Variants in SRFBP1 observed in about 807,000 individuals in gnomAD.
SRFBP1 encodes the protein serum response factor-binding protein 1.
In SRFBP1, 47 loss-of-function variants were observed where a neutral mutation model predicts 45.5. The ratio of observed to expected loss-of-function variants is 1.03; its 90% CI spans 0.82 to 1.32. SRFBP1 has a LOEUF of 1.32. Ranked by LOEUF, SRFBP1 falls within the 40% of genes most tolerant of loss-of-function variation. SRFBP1 has a pLI of 0.00. For missense variants in SRFBP1, 621 were observed against 484.6 expected (o/e 1.28, Z -2.64); for synonymous variants, 203 against 166.3 (o/e 1.22, Z -1.70).
At chr5:121,987,270 C>G (rs1295953903) in intron 3 of SRFBP1, among the ~76,000 whole-genome samples, 1 of 152,064 alleles carries the variant, frequency 6.6e-6, no homozygotes, top group East Asian at 1.9e-4. Flanking sequence ...TATCACATGT[C>G]TCTGAGCTGT....
chr5:122,018,194 C>T (rs1191209023), intron 4 of SRFBP1, among the ~76,000 whole-genome samples: 2 of 152,168 alleles, frequency 1.3e-5, no homozygotes, highest in South Asian at 2.1e-4. Context: ...TAAAGAAGAA[C>T]AGATATGGAA....
chr5:122,049,034 GTC>G (rs1234290502), intron 2 of SRFBP1, among the ~76,000 whole-genome samples: 3 of 151,754 alleles, frequency 2.0e-5, no homozygotes, highest in Admixed American at 6.6e-5. Flanking sequence ...GTTTTTTTGT[GTC>G]TCTGTTTCCT....
At chr5:122,009,565 A>C (rs569016773) in intron 4 of SRFBP1, among the ~76,000 whole-genome samples, 16 of 152,240 alleles carry the variant, frequency 1.1e-4, no homozygotes, top group Non-Finnish European at 2.2e-4. Context: ...GAAGTATTCC[A>C]TTCTTCAGAT....
chr5:122,072,005 T>C (rs1175622514), intron 2 of SRFBP1, among the ~76,000 whole-genome samples: 1 of 152,214 alleles, frequency 6.6e-6, no homozygotes. Context: ...TGTTGAGTAG[T>C]AAATATAAAA....
intron 2 of SRFBP1, among the ~76,000 whole-genome samples, chr5:122,052,688 C>T (rs976424996): frequency 4.6e-5 from 7 of 152,060 alleles, no homozygotes; most frequent in Non-Finnish European, 1.0e-4. Flanking sequence ...GATTGAGTTT[C>T]GACATTCTCC....
At position 121,974,237 on chromosome 5, in the gene SRFBP1, A is replaced by G. The variant is rs1752256440; in HGVS notation, c.78A>G (p.Leu26=). ...MRKEVKRIRV[L]VIRKLVRSVG... is the part of the protein sequence containing the mutation. ...AAGAAGTGAAGAGAATTCGAGTTTT[A>G]GTTATCCGAAAACTTGTCAGGAGTG... Residue 26 remains leucine (L), a synonymous_variant, in exon 2 of 8, where the codon TTA becomes TTG. Transcript: ENST00000339397. 4 of 1,611,596 alleles carry G rather than the reference A, an allele frequency of 2.5e-6. No homozygotes were observed. Among genetic ancestry groups the G allele is most frequent in the Non-Finnish European group, 3.4e-6 (4 of 1,178,194 alleles).
chr5:122,019,896 G>A (rs900079992), intron 5 of SRFBP1, among the ~76,000 whole-genome samples, 192 bp from the exon 6 acceptor site: 20 of 152,066 alleles, frequency 1.3e-4, no homozygotes, highest in African/African-American at 4.1e-4. Context: ...GAATACGTCT[G>A]AGCATATCTT....
chr5:122,071,566 CT>C (rs1222278479), intron 2 of SRFBP1, among the ~76,000 whole-genome samples: 4 of 152,122 alleles, frequency 2.6e-5, no homozygotes, highest in Non-Finnish European at 5.9e-5. Context: ...AAATACAATC[CT>C]TGCTTTTAAG....
intron 2 of SRFBP1, chr5:122,065,801 G>C (rs1016839481): frequency 3.3e-5 from 5 of 151,998 alleles, no homozygotes; most frequent in African/African-American, 1.2e-4. Flanking sequence ...GGGGGGACTT[G>C]TTTGTGTGAT....
intron 2 of SRFBP1, among the ~76,000 whole-genome samples, chr5:122,061,595 A>G (rs1216739749): frequency 6.6e-6 from 1 of 151,858 alleles, no homozygotes; most frequent in Non-Finnish European, 1.5e-5. Context: ...TATGCATAAC[A>G]TAATTTTAAG....
At chr5:122,059,579 A>G (rs1013412675) in intron 2 of SRFBP1, among the ~76,000 whole-genome samples, 1 of 152,166 alleles carries the variant, frequency 6.6e-6, no homozygotes, top group Middle Eastern at 3.4e-3. Context: ...AAGAGATAAT[A>G]TTGGGAGAGG....
intron 2 of SRFBP1, among the ~76,000 whole-genome samples, chr5:122,050,158 G>A (rs1008376685): frequency 2.0e-5 from 3 of 152,108 alleles, no homozygotes; most frequent in African/African-American, 7.2e-5. Context: ...GTATTTTCTT[G>A]AGGATTTTTC....
intron 1 of SRFBP1, among the ~76,000 whole-genome samples, chr5:121,966,946 A>ATTTTTTTTTTTTTTTTTTTTTT (rs34687337): frequency 8.7e-6 from 1 of 114,686 alleles, no homozygotes; most frequent in Non-Finnish European, 1.7e-5. Context: ...CGCCCAGCTA[A>ATTTTTTTTTTTTTTTTTTTTTT]TTTTTTTTTT....
intron 2 of SRFBP1, among the ~76,000 whole-genome samples, chr5:122,044,498 C>T (rs188145323): frequency 1.4e-4 from 22 of 152,134 alleles, no homozygotes; most frequent in Non-Finnish European, 2.9e-4. Context: ...TTCTCCACAA[C>T]CTTGCCAGCA....
Position 122,070,046 on chromosome 5 carries a change from CACTT to C in SRFBP1, n.312-5266_312-5263del, listed in dbSNP as rs1356751545. ...AACAATTACTTAGCTAAGCAAATAA[CACTT>C]ACGGTGAAATTGTGCAGCCTGAGGC... On this transcript the variant is annotated intron_variant and non_coding_transcript_variant, in intron 2 of 2. Coordinates refer to the SRFBP1 transcript ENST00000504881. 1.3e-6 allele frequency: 2 copies of C among 1,586,206 alleles called. No individual in the cohort carries two copies. Among genetic ancestry groups the C allele is most frequent in the Admixed American group, 1.7e-5 (1 of 59,836 alleles).
At chr5:122,069,458 T>G (rs1754390965) in intron 2 of SRFBP1, among the ~76,000 whole-genome samples, 1 of 152,136 alleles carries the variant, frequency 6.6e-6, no homozygotes, top group Non-Finnish European at 1.5e-5. Flanking sequence ...CACCTCCCTG[T>G]GAATAGATAT....
intron 2 of SRFBP1, among the ~76,000 whole-genome samples, chr5:122,046,763 A>G (rs553439926): frequency 2.0e-5 from 3 of 152,278 alleles, no homozygotes; most frequent in African/African-American, 7.2e-5. Flanking sequence ...ATGGTATCTC[A>G]TTGTGGTTTG....
At chr5:121,978,489 G>C (rs1752347595) in intron 3 of SRFBP1, among the ~76,000 whole-genome samples, 1 of 151,970 alleles carries the variant, frequency 6.6e-6, no homozygotes, top group Admixed American at 6.6e-5. Context: ...GCCTATATCT[G>C]TATTTCTTTT....
chr5:122,036,690 C>T (rs1249248349), intron 2 of SRFBP1, among the ~76,000 whole-genome samples: 2 of 152,144 alleles, frequency 1.3e-5, no homozygotes, highest in Non-Finnish European at 1.5e-5. Flanking sequence ...TGGTTGACAA[C>T]ATTAGTACAT....
Sources: allele counts gnomAD v4.1 joint callset (sites outside exome capture counted in the v4.1 genomes callset), GRCh38; gene constraint gnomAD v4.1.1; transcripts MANE v1.5; gene names NCBI Gene and HGNC (gene_info 2026-07-23, HGNC 2026-07-21).